ZNF710: variants seen among roughly 807,000 people sequenced by gnomAD.
The protein encoded by ZNF710 is zinc finger protein 710.
A neutral mutation model predicts 50.6 loss-of-function variants in ZNF710; 13 were observed. The observed-to-expected ratio is 0.26, with a 90% confidence interval of 0.17 to 0.41. ZNF710 has a LOEUF of 0.41. Among genes scored for constraint, ZNF710 ranks in the 10% least tolerant of loss-of-function variants. The probability of loss-of-function intolerance (pLI) is 1.00; values close to 1 mark genes in which losing one functional copy is unlikely to be tolerated. For synonymous variants in ZNF710, 383 were observed against 397.0 expected, an observed-to-expected ratio of 0.96 and a Z score of 0.42; for missense variants, 721 against 936.6, an observed-to-expected ratio of 0.77 and a Z score of 3.01.
At chr15:90,018,948 CTCTTGGA>C (rs1034146648) in intron 1 of ZNF710, among the ~76,000 whole-genome samples, 2 of 151,786 alleles carry the variant, frequency 1.3e-5, no homozygotes, top group African/African-American at 4.8e-5. Flanking sequence ...AATGAACAGT[CTCTTGGA>C]TCTTGTATCT....
chr15:90,042,853 G>T (rs1899340435), intron 1 of ZNF710, among the ~76,000 whole-genome samples: 1 of 152,230 alleles, frequency 6.6e-6, no homozygotes, highest in Non-Finnish European at 1.5e-5. Flanking sequence ...ATTGCACCCA[G>T]CCTTTGGGTC....
In ZNF710 at chr15:90,067,913, C is replaced by G. The variant is rs151015405; in HGVS notation, c.776C>G (p.Ala259Gly). Residue 259 changes from alanine to glycine, a missense_variant, in exon 2 of 5, where the codon GCG becomes GGG. Ala to Gly is a moderately conservative substitution (Grantham distance 60). Transcript: ENST00000268154. This position sits in a 1 kb window ranked among gnomAD's most constrained non-coding sequence, Gnocchi z 8.1. ...GCCAGTGAGTTCGAGGCTGACACGG[C>G]GGGTTCGACCGTGGAACGCCACAAG... is the stretch of plus-strand genomic sequence containing the variant. ...QEASEFEADT[A>G]GSTVERHKKA... The G allele has an allele frequency of 9.3e-6, 15 of 1,610,740 alleles. No individual in the cohort carries two copies. The highest frequency in any genetic ancestry group is 1.3e-5 in the Non-Finnish European group (15 of 1,178,158).
At chr15:90,036,668 G>C (rs1596280385) in intron 1 of ZNF710, among the ~76,000 whole-genome samples, 1 of 152,218 alleles carries the variant, frequency 6.6e-6, no homozygotes, top group Non-Finnish European at 1.5e-5. Flanking sequence ...CCTCGAGCTG[G>C]GGGTGGGGCA....
At chr15:90,046,077 C>T (rs1899451430) in intron 1 of ZNF710, among the ~76,000 whole-genome samples, 1 of 152,120 alleles carries the variant, frequency 6.6e-6, no homozygotes, top group Non-Finnish European at 1.5e-5. Context: ...AAGGCATGGT[C>T]TCTGGGGGGA....
intron 1 of ZNF710, among the ~76,000 whole-genome samples, chr15:90,008,424 G>GTATATATATA (rs1567218324): frequency 7.9e-6 from 1 of 126,328 alleles, no homozygotes; most frequent in African/African-American, 3.8e-5. Flanking sequence ...GTGTGTGTGT[G>GTATATATATA]TGTATATATA....
chr15:90,031,677 C>G (rs183095632), intron 1 of ZNF710, among the ~76,000 whole-genome samples: 15 of 152,296 alleles, frequency 9.8e-5, no homozygotes, highest in Non-Finnish European at 2.9e-5. Context: ...CTCTTGTTTT[C>G]ATGCAGCAGG....
Position 90,062,172 on chromosome 15 carries a change from C to T in ZNF710, c.-28-4938C>T, listed in dbSNP as rs1177238754. ...CTCCCTCCCCCTCACTCAGGCTCCT[C>T]CTCTGCCCCCCCTTCCCTGTCTCTT... On this transcript the variant is annotated intron_variant, in intron 1 of 4. Coordinates refer to ENST00000268154, the MANE Select transcript of ZNF710 (RefSeq NM_198526.4). The surrounding 1 kb of genome is among the most constrained non-coding windows in gnomAD (Gnocchi z 5.6). Among the ~76,000 whole-genome samples, 3 of 150,612 alleles carry T rather than the reference C, an allele frequency of 2.0e-5. No homozygotes were observed. The highest frequency in any genetic ancestry group is 2.0e-4 in the Admixed American group (3 of 15,120).
chr15:90,026,431 A>G (rs1250300793), intron 1 of ZNF710, among the ~76,000 whole-genome samples: 2 of 152,176 alleles, frequency 1.3e-5, no homozygotes, highest in Non-Finnish European at 2.9e-5. Flanking sequence ...AAAATTTTCA[A>G]TCCTTATCGA....
chr15:90,060,032 C>A (rs1189680078), intron 1 of ZNF710, among the ~76,000 whole-genome samples: 2 of 152,166 alleles, frequency 1.3e-5, no homozygotes, highest in Non-Finnish European at 2.9e-5. Flanking sequence ...GGAGCCCCCT[C>A]CCCGCTCTTG....
chr15:90,011,875 G>T (rs566506624), intron 1 of ZNF710, among the ~76,000 whole-genome samples: 1 of 152,032 alleles, frequency 6.6e-6, no homozygotes, highest in Non-Finnish European at 1.5e-5. Context: ...GTATTTACAA[G>T]CGTCATTCCA....
Position 90,080,725 on chromosome 15 carries a change from TC to T in ZNF710, c.*898del, listed in dbSNP as rs769817711. 2 of 152,144 alleles carry T rather than the reference TC, an allele frequency of 1.3e-5. No homozygotes were observed. Among genetic ancestry groups the T allele is most frequent in the Non-Finnish European group, 2.9e-5 (2 of 68,054 alleles). 9.4% of individuals were successfully genotyped at this position (152,144 alleles called of 1,614,324 possible). Reference sequence around the variant, plus strand: ...GAGGGGGACCGCAGTCATTTCTCATTCCTCAGTGTCCACCTTGCGACGGGGA... The same window carrying T: ...GAGGGGGACCGCAGTCATTTCTCATTCTCAGTGTCCACCTTGCGACGGGGA... On this transcript the variant is annotated 3_prime_UTR_variant, in exon 5 of 5. Transcript: ENST00000268154.
At chr15:89,999,724 G>A (rs1398929443), upstream of ZNF710, among the ~76,000 whole-genome samples, 1 of 152,064 alleles carries the variant, frequency 6.6e-6, no homozygotes, top group Non-Finnish European at 1.5e-5. Context: ...GCTCAGGGCT[G>A]GGGGGAGGGG....
At chr15:90,071,185 C>T (rs966770050) in intron 2 of ZNF710, among the ~76,000 whole-genome samples, 2 of 151,672 alleles carry the variant, frequency 1.3e-5, no homozygotes, top group East Asian at 3.9e-4. Flanking sequence ...TGCTTGAACC[C>T]GGGAGGCAGA....
chr15:90,018,616 G>A (rs1287762516), intron 1 of ZNF710, among the ~76,000 whole-genome samples: 1 of 152,154 alleles, frequency 6.6e-6, no homozygotes, highest in Non-Finnish European at 1.5e-5. Context: ...CCAGGACAGA[G>A]GTCATGTCTG....
chr15:90,048,798 C>A (rs1172502259), intron 1 of ZNF710, among the ~76,000 whole-genome samples: 2 of 152,176 alleles, frequency 1.3e-5, no homozygotes, highest in South Asian at 4.1e-4. Context: ...GATGCCTTCC[C>A]GCCTCTCCAG....
At chr15:90,076,611 C>T (rs1318517342) in intron 4 of ZNF710, 1 of 150,934 alleles carries the variant, frequency 6.6e-6, no homozygotes, top group Non-Finnish European at 1.5e-5. Context: ...CGTGTTGGCA[C>T]ATGCGTGTAA....
chr15:90,071,564 C>T (rs2151533690), intron 2 of ZNF710, among the ~76,000 whole-genome samples: 1 of 152,068 alleles, frequency 6.6e-6, no homozygotes, highest in South Asian at 2.1e-4. Context: ...GCAGTTAAGA[C>T]AGCAGCTGTG....
intron 1 of ZNF710, among the ~76,000 whole-genome samples, chr15:90,061,756 G>A (rs747076695): frequency 2.6e-5 from 4 of 152,184 alleles, no homozygotes; most frequent in Non-Finnish European, 5.9e-5. Context: ...CACAGCTTGG[G>A]GAAGGGACCC....
Position 90,036,900 on chromosome 15 carries a change from C to T in ZNF710, c.-28-30210C>T, listed in dbSNP as rs1303529898. On this transcript the variant is annotated intron_variant, in intron 1 of 4. Coordinates refer to ENST00000268154, the MANE Select transcript of ZNF710 (RefSeq NM_198526.4). Reference sequence around the variant, plus strand: ...TCCCAGTTCACATCGGGGAATTCTCCGGCCCTCCTAGAGAGGCAGCCCAGG... The same window carrying T: ...TCCCAGTTCACATCGGGGAATTCTCTGGCCCTCCTAGAGAGGCAGCCCAGG... Among the ~76,000 whole-genome samples, 6 of 152,160 alleles carry T rather than the reference C, an allele frequency of 3.9e-5. No homozygotes were observed. In the East Asian group the frequency reaches 9.6e-4, roughly 24 times the overall value.
Sources: allele counts gnomAD v4.1 joint callset (sites outside exome capture counted in the v4.1 genomes callset), GRCh38; gene constraint gnomAD v4.1.1; non-coding constraint Gnocchi (gnomAD v3.1); transcripts MANE v1.5; gene names NCBI Gene and HGNC (gene_info 2026-07-23, HGNC 2026-07-21).